LIMA1: variants seen among roughly 807,000 people sequenced by gnomAD.
The protein encoded by LIMA1 is LIM domain and actin-binding protein 1.
In LIMA1, 52 loss-of-function variants were observed where a neutral mutation model predicts 62.6. That is an observed-to-expected ratio of 0.83 (90% CI 0.67 to 1.05). LIMA1 has a LOEUF of 1.05. Ranked by LOEUF, LIMA1 falls within the 50% of genes least tolerant of loss-of-function variation. The pLI is 0.00. For synonymous variants in LIMA1, 302 were observed against 317.8 expected (o/e 0.95, Z 0.53); for missense variants, 780 against 902.2 (o/e 0.86, Z 1.74).
intron 2 of LIMA1, among the ~76,000 whole-genome samples, chr12:50,241,315 A>G (rs935751192): frequency 1.1e-4 from 17 of 152,172 alleles, no homozygotes; most frequent in Non-Finnish European, 2.5e-4. Context: ...TTGGATAATC[A>G]TCTACAGTAT....
At chr12:50,209,931 G>A (rs11169319) in intron 4 of LIMA1, among the ~76,000 whole-genome samples, 48,702 of 151,914 alleles carry the variant, frequency 0.32, 8,069 homozygotes, top group South Asian at 0.47. Flanking sequence ...CCAAAGTGCT[G>A]GGATGACAGG....
At chr12:50,230,164 A>G (rs2138582494) in intron 3 of LIMA1, among the ~76,000 whole-genome samples, 1 of 152,202 alleles carries the variant, frequency 6.6e-6, no homozygotes, top group Non-Finnish European at 1.5e-5. Flanking sequence ...CCTCCAGAGT[A>G]GCTGGGACTA....
chr12:50,241,651 C>T (rs1376523394), intron 2 of LIMA1, among the ~76,000 whole-genome samples: 2 of 151,962 alleles, frequency 1.3e-5, no homozygotes, highest in Non-Finnish European at 2.9e-5. Flanking sequence ...TAGTAGATAA[C>T]AGGGAGAAAG....
chr12:50,180,027 G>A (rs757971022), intron 10 of LIMA1, among the ~76,000 whole-genome samples: 5 of 151,982 alleles, frequency 3.3e-5, no homozygotes, highest in Admixed American at 6.5e-5. Context: ...TTGGCCAGGC[G>A]TGGTTGCTCA....
chr12:50,182,124 G>A, intron 9 of LIMA1, 87 bp from the exon 10 acceptor site: 1 of 1,478,212 alleles, frequency 6.8e-7, no homozygotes, highest in East Asian at 2.3e-5. Flanking sequence ...CTTTGTCTAA[G>A]GGCTCCCTTA....
intron 4 of LIMA1, among the ~76,000 whole-genome samples, chr12:50,216,600 C>T (rs1941348729): frequency 6.6e-6 from 1 of 152,090 alleles, no homozygotes; most frequent in African/African-American, 2.4e-5. Context: ...CACATTCAGG[C>T]TGGGCGCGGT....
chr12:50,232,128 T>C (rs1592540624), intron 2 of LIMA1, among the ~76,000 whole-genome samples: 1 of 146,040 alleles, frequency 6.8e-6, no homozygotes, highest in Non-Finnish European at 1.5e-5. Context: ...TGGTTCATCA[T>C]GGTTCACTGC....
chr12:50,214,161 G>C (rs947293129), intron 4 of LIMA1, among the ~76,000 whole-genome samples: 17 of 152,092 alleles, frequency 1.1e-4, no homozygotes, highest in African/African-American at 3.9e-4. Context: ...GCTGAGGATA[G>C]CCTTATTTAC....
chr12:50,245,469 A>G (rs1399400551), intron 2 of LIMA1, among the ~76,000 whole-genome samples: 1 of 151,860 alleles, frequency 6.6e-6, no homozygotes, highest in African/African-American at 2.4e-5. Flanking sequence ...AGCCCAAAGT[A>G]TCAGACAGGT....
chr12:50,180,273 C>A (rs1940466151), intron 10 of LIMA1, among the ~76,000 whole-genome samples: 1 of 150,762 alleles, frequency 6.6e-6, no homozygotes, highest in African/African-American at 2.4e-5. Context: ...GCACTCCAGC[C>A]TGGGCGACAG....
At chr12:50,270,178 T>C (rs1236398429) in intron 1 of LIMA1, among the ~76,000 whole-genome samples, 1 of 130,608 alleles carries the variant, frequency 7.7e-6, no homozygotes, top group Non-Finnish European at 1.5e-5. Flanking sequence ...GAAGTTGCGA[T>C]GAGCCGAGAT....
intron 9 of LIMA1, among the ~76,000 whole-genome samples, chr12:50,190,534 A>C (rs1419762195): frequency 2.4e-5 from 3 of 124,082 alleles, no homozygotes; most frequent in Non-Finnish European, 5.0e-5. Flanking sequence ...TGCCCGGCTA[A>C]TTTTTTTTTT....
At chr12:50,193,213 AAT>A (rs1940819372) in intron 8 of LIMA1, among the ~76,000 whole-genome samples, 1 of 152,028 alleles carries the variant, frequency 6.6e-6, no homozygotes, top group African/African-American at 2.4e-5. Flanking sequence ...TTTTCAAAAA[AAT>A]GTTTCATAAA....
intron 4 of LIMA1, among the ~76,000 whole-genome samples, chr12:50,209,874 G>T (rs1359134362): frequency 1.3e-5 from 2 of 152,022 alleles, no homozygotes; most frequent in African/African-American, 4.8e-5. Context: ...TGTTGGTCAA[G>T]CTGGTCTGAA....
At chr12:50,193,515 GATAT>G (rs1175539044) in intron 8 of LIMA1, among the ~76,000 whole-genome samples, 9 of 110,624 alleles carry the variant, frequency 8.1e-5, no homozygotes, top group Admixed American at 3.1e-4. Flanking sequence ...GTGTATATAT[GATAT>G]ATATACACAT....
chr12:50,243,360 A>G (rs914627790), intron 2 of LIMA1, among the ~76,000 whole-genome samples: 20 of 152,200 alleles, frequency 1.3e-4, no homozygotes, highest in Non-Finnish European at 2.4e-4. Flanking sequence ...TATAGGACTC[A>G]CTATTTGCAA....
chr12:50,253,179 T>G (rs1941951905), intron 1 of LIMA1, among the ~76,000 whole-genome samples: 1 of 151,774 alleles, frequency 6.6e-6, no homozygotes, highest in Non-Finnish European at 1.5e-5. Flanking sequence ...AGTGTTGATT[T>G]ACACATGTTG....
intron 7 of LIMA1, among the ~76,000 whole-genome samples, chr12:50,198,837 T>C (rs1940985161): frequency 6.6e-6 from 1 of 152,210 alleles, no homozygotes; most frequent in African/African-American, 2.4e-5. Flanking sequence ...ATAATGTTAC[T>C]TATTTCAATT....
chr12:50,264,725 G>A (rs757969604), intron 1 of LIMA1, among the ~76,000 whole-genome samples: 4 of 152,168 alleles, frequency 2.6e-5, no homozygotes, highest in Admixed American at 6.5e-5. Flanking sequence ...GTCAGTCTTC[G>A]CATGCTTCAG....
Sources: allele counts gnomAD v4.1 joint callset (sites outside exome capture counted in the v4.1 genomes callset), GRCh38; gene constraint gnomAD v4.1.1; transcripts MANE v1.5; gene names NCBI Gene and HGNC (gene_info 2026-07-23, HGNC 2026-07-21).